The following ATM variants were observed in gnomAD, a reference collection of about 807,000 sequenced individuals.
The protein encoded by ATM is serine-protein kinase ATM.
In ATM, 308 loss-of-function variants were observed where a neutral mutation model predicts 387.0. The observed-to-expected ratio is 0.80, with a 90% CI of 0.73 to 0.87. ATM has a LOEUF of 0.87. Among genes scored for constraint, ATM ranks in the 40% least tolerant of loss-of-function variants. The pLI, the probability that ATM is intolerant of heterozygous loss-of-function variation, is 0.00. For synonymous variants in ATM, 1,156 were observed against 1,187.3 expected (o/e 0.97, Z 0.54); for missense variants, 3,312 against 3,560.9 (o/e 0.93, Z 1.78).
At position 108,298,320 on chromosome 11, in the gene ATM, T is replaced by C. The variant is rs556427012; in HGVS notation, c.5005+938T>C. 6.6e-5 allele frequency among the ~76,000 whole-genome samples: 10 copies of C among 152,366 alleles called. No homozygotes were observed. In the South Asian group the frequency reaches 1.9e-3, roughly 28 times the overall value. On this transcript the variant is annotated intron_variant, in intron 33 of 62. Transcript: ENST00000675843. ...TTAACTTCTCATTAGGAGCCTAATA[T>C]CTACAGTACTTCCTTTTTTGTAGAT...
At chr11:108,284,982 CAG>C (rs1194195041) in intron 26 of ATM, among the ~76,000 whole-genome samples, 4 of 152,108 alleles carry the variant, frequency 2.6e-5, no homozygotes, top group East Asian at 3.9e-4. Flanking sequence ...GTTTTTGAGA[CAG>C]AGTCTTACTC....
chr11:108,310,364 C>T (rs756206506), intron 39 of ATM, 49 bp downstream of exon 39: 1 of 1,535,798 alleles, frequency 6.5e-7, no homozygotes, highest in Non-Finnish European at 9.0e-7. Flanking sequence ...TTGGCATTGT[C>T]TCAATAAGGG....
chr11:108,325,249 G>GTTTTTTTTTTTTTT (rs11366542), intron 45 of ATM, 61 bp from the exon 46 acceptor site: 5 of 566,196 alleles, frequency 8.8e-6, no homozygotes, highest in Admixed American at 3.2e-5. Context: ...AACTTACATA[G>GTTTTTTTTTTTTTT]TTTTTTTTTT....
chr11:108,292,688 C>T lies in ATM; in HGVS notation c.4506C>T (p.Cys1502=), dbSNP rs876659908. ...GTTGTGACTTATTAAGTCAGGTTTGCCAGACAGCCGTGACTTACTGTAAGG... is the reference window on the plus strand; with the variant it reads ...GTTGTGACTTATTAAGTCAGGTTTGTCAGACAGCCGTGACTTACTGTAAGG... ...SLCCDLLSQV[C]QTAVTYCKDA... Residue 1502 remains cysteine, a synonymous_variant, in exon 30 of 63, where the codon TGC becomes TGT. Coordinates refer to ENST00000675843, the MANE Select transcript of ATM (RefSeq NM_000051.4). 3.7e-6 allele frequency: 6 copies of T among 1,613,690 alleles called. No individual in the cohort carries two copies. The highest frequency in any genetic ancestry group is 5.1e-6 in the Non-Finnish European group (6 of 1,179,914).
chr11:108,318,235 G>A (rs1004996156), intron 43 of ATM, among the ~76,000 whole-genome samples: 2 of 151,950 alleles, frequency 1.3e-5, no homozygotes, highest in East Asian at 1.9e-4. Flanking sequence ...GGCAGCATGC[G>A]CCTGTAGTCC....
At chr11:108,246,247 T>G (rs1477894541) in intron 7 of ATM, among the ~76,000 whole-genome samples, 1 of 152,172 alleles carries the variant, frequency 6.6e-6, no homozygotes, top group East Asian at 1.9e-4. Flanking sequence ...TTTTAATAGT[T>G]TTTCATCTTT....
At chr11:108,290,830 A>G (rs1431255598) in intron 29 of ATM, among the ~76,000 whole-genome samples, 2 of 148,704 alleles carry the variant, frequency 1.3e-5, no homozygotes, top group African/African-American at 2.6e-5. Context: ...CTCAATTAAA[A>G]AAAAAAAAAA....
chr11:108,325,666 T>C, intron 46 of ATM, 122 bp downstream of exon 46: 1 of 874,272 alleles, frequency 1.1e-6, no homozygotes, highest in Non-Finnish European at 1.7e-6. Flanking sequence ...TAATATATAG[T>C]AAAAATAATT....
At position 108,287,712 on chromosome 11, in the gene ATM, C is replaced by T; in HGVS notation, c.4106C>T (p.Ser1369Leu). The T allele has an allele frequency of 6.2e-7, 1 of 1,608,862 alleles. No individual in the cohort carries two copies. ...ASQSTDLCDF[S>L]GDLDPAPNPP... ...CAGAGCACTGACCTCTGTGACTTTTCAGGGTATGTACATTTTAAACTTAGA... is the reference window on the plus strand; with the variant it reads ...CAGAGCACTGACCTCTGTGACTTTTTAGGGTATGTACATTTTAAACTTAGA... The change falls in exon 27 of 63, where the codon TCA becomes TTA. Residue 1369 changes from serine (S) to leucine (L), a missense_variant. Physicochemically the swap from Ser to Leu is moderately radical, Grantham distance 145 (BLOSUM62 -2). Coordinates refer to ENST00000675843, the MANE Select transcript of ATM (RefSeq NM_000051.4).
chr11:108,368,346 T>C lies in ATM; in HGVS notation c.*2838T>C, dbSNP rs1384303852. ...GAACTCTTTCTGCAAATGACTAAGA[T>C]AGAAAACTGCCAAGGACAAATGAGG... On this transcript the variant is annotated 3_prime_UTR_variant, in exon 63 of 63. Transcript: ENST00000675843. The C allele has an allele frequency of 4.8e-6, 1 of 210,216 alleles. No individual in the cohort carries two copies. The highest frequency in any genetic ancestry group is 9.6e-6 in the Non-Finnish European group (1 of 104,270). The allele number at this position is 210,216 out of a possible 1,614,324, so 13.0% of individuals were successfully genotyped here.
chr11:108,243,383 T>G (rs1315718881), intron 5 of ATM, among the ~76,000 whole-genome samples: 1 of 152,034 alleles, frequency 6.6e-6, no homozygotes, highest in Non-Finnish European at 1.5e-5. Flanking sequence ...GAGACCAAGG[T>G]GGGTAGATCA....
At position 108,312,506 on chromosome 11, in the gene ATM, T is replaced by A; in HGVS notation, c.6006+8T>A. 1 of 1,513,578 alleles carries A rather than the reference T, an allele frequency of 6.6e-7. No individual in the cohort carries two copies. Among genetic ancestry groups the A allele is most frequent in the Non-Finnish European group, 9.2e-7 (1 of 1,089,056 alleles). The allele number at this position is 1,513,578 out of a possible 1,614,324, so 93.8% of individuals were successfully genotyped here. ...ACTGGAATAAGTTTACAGGTAAATA[T>A]TAGAGGCTCTATTATTTATGACAGT... is the stretch of plus-strand genomic sequence containing the variant. On this transcript the variant is annotated splice_region_variant and intron_variant, in intron 40 of 62. Coordinates refer to ENST00000675843, the MANE Select transcript of ATM (RefSeq NM_000051.4).
In ATM at chr11:108,353,759, A is replaced by G. The variant is rs2137284033; in HGVS notation, c.8672-7A>G. ...ACCTCCTAACTTCACTGTATTCTTT[A>G]CTTTAGGTGTTGCTTTTGAACAGGG... On this transcript the variant is annotated splice_polypyrimidine_tract_variant and splice_region_variant and intron_variant, in intron 59 of 62. Transcript: ENST00000675843. 3 of 1,589,392 alleles carry G rather than the reference A, an allele frequency of 1.9e-6. No homozygotes were observed. Among genetic ancestry groups the G allele is most frequent in the Non-Finnish European group, 2.6e-6 (3 of 1,157,474 alleles).
At chr11:108,335,391 CT>C in intron 55 of ATM, 1 of 865,064 alleles carries the variant, frequency 1.2e-6, no homozygotes, top group Non-Finnish European at 1.6e-6. Flanking sequence ...AAAAAAAATA[CT>C]TTGGTGTCTG....
At chr11:108,273,653 C>T (rs543840035) in intron 22 of ATM, among the ~76,000 whole-genome samples, 4 of 151,926 alleles carry the variant, frequency 2.6e-5, no homozygotes, top group East Asian at 1.9e-4. Context: ...TTTTGTCATT[C>T]GTTCTGTTTA....
chr11:108,352,287 T>C (rs2089302973), intron 59 of ATM, among the ~76,000 whole-genome samples: 1 of 152,198 alleles, frequency 6.6e-6, no homozygotes, highest in Non-Finnish European at 1.5e-5. Context: ...AATTAAAATA[T>C]AGTAAGTCTC....
At chr11:108,292,467 C>T (rs1238381184) in intron 29 of ATM, 152 bp from the exon 30 acceptor site, 4 of 912,804 alleles carry the variant, frequency 4.4e-6, no homozygotes, top group Non-Finnish European at 5.0e-6. Context: ...GCTGATGTGA[C>T]TTCTCTTTTT....
chr11:108,317,849 C>T (rs921275659), intron 43 of ATM, among the ~76,000 whole-genome samples: 1 of 151,446 alleles, frequency 6.6e-6, no homozygotes, highest in Non-Finnish European at 1.5e-5. Context: ...ACAACTTCAC[C>T]CCACCCCTAA....
chr11:108,266,305 T>TA (rs1486806603), intron 16 of ATM, among the ~76,000 whole-genome samples: 1 of 151,862 alleles, frequency 6.6e-6, no homozygotes, highest in South Asian at 2.1e-4. Flanking sequence ...TATGCAGCCA[T>TA]AAAAAATGAT....
Sources: gnomAD v4.1 joint callset for allele counts (sites outside exome capture counted in the v4.1 genomes callset) on GRCh38, gnomAD v4.1.1 for gene constraint, MANE v1.5 for transcripts, NCBI Gene and HGNC (gene_info 2026-07-23, HGNC 2026-07-21) for gene names.